Variants in FTCDNL1 observed in about 807,000 individuals in gnomAD.
FTCDNL1 encodes formiminotransferase cyclodeaminase N-terminal like, also known as formiminotransferase N-terminal subdomain-containing protein.
A neutral mutation model predicts 5.9 loss-of-function variants in FTCDNL1; 11 were observed. The ratio of observed to expected loss-of-function variants is 1.87; its 90% CI spans 1.18 to 3.10. The LOEUF (loss-of-function observed/expected upper bound fraction) is 3.10. FTCDNL1 is among the 30% of genes most tolerant of loss of function. The pLI, the probability that FTCDNL1 is intolerant of heterozygous loss-of-function variation, is 0.00. For synonymous variants in FTCDNL1, 58 were observed against 24.8 expected (o/e 2.34, Z -3.99); for missense variants, 115 against 65.5 (o/e 1.76, Z -2.61).
intron 3 of FTCDNL1, among the ~76,000 whole-genome samples, chr2:199,803,462 T>C (rs2106412377): frequency 4.1e-5 from 1 of 24,238 alleles, no homozygotes; most frequent in Non-Finnish European, 1.3e-4. Flanking sequence ...TTTGTTTTGG[T>C]TTGGTTTGGT....
chr2:199,721,476 T>C, the FTCDNL1 span, among the ~76,000 whole-genome samples: 1 of 152,226 alleles, frequency 6.6e-6, no homozygotes, highest in Non-Finnish European at 1.5e-5. Flanking sequence ...CTGAATAGTA[T>C]TCCATGGTAC....
At chr2:199,798,041 A>G (rs577351591) in intron 3 of FTCDNL1, among the ~76,000 whole-genome samples, 2 of 152,202 alleles carry the variant, frequency 1.3e-5, no homozygotes, top group East Asian at 3.9e-4. Flanking sequence ...CTTTATGAGG[A>G]ATTGTGATGT....
At chr2:199,762,062 C>A (rs1008884834) in intron 3 of FTCDNL1, among the ~76,000 whole-genome samples, 5 of 151,950 alleles carry the variant, frequency 3.3e-5, no homozygotes, top group Admixed American at 6.6e-5. Context: ...GAAAAAAAAA[C>A]AATCTTGTAA....
chr2:199,816,218 T>G (rs1408055442), intron 4 of FTCDNL1, among the ~76,000 whole-genome samples: 1 of 152,184 alleles, frequency 6.6e-6, no homozygotes, highest in African/African-American at 2.4e-5. Flanking sequence ...AGCACCTGCT[T>G]TGAGCCTACT....
chr2:199,780,738 T>C (rs538680424), intron 3 of FTCDNL1, among the ~76,000 whole-genome samples: 4 of 152,296 alleles, frequency 2.6e-5, no homozygotes, highest in Non-Finnish European at 4.4e-5. Context: ...ATATCACAAG[T>C]GGGCAGGGGA....
At chr2:199,672,658 C>G in the FTCDNL1 span, among the ~76,000 whole-genome samples, 1 of 152,058 alleles carries the variant, frequency 6.6e-6, no homozygotes, top group Non-Finnish European at 1.5e-5. Context: ...GGTGCTCTGG[C>G]TGGAAAGATT....
the FTCDNL1 span, among the ~76,000 whole-genome samples, chr2:199,697,225 T>C: frequency 6.6e-6 from 1 of 152,016 alleles, no homozygotes; most frequent in African/African-American, 2.4e-5. Flanking sequence ...TGAGCAGAGA[T>C]CACGCCGCTG....
At chr2:199,712,353 CT>C in the FTCDNL1 span, among the ~76,000 whole-genome samples, 1 of 152,132 alleles carries the variant, frequency 6.6e-6, no homozygotes, top group African/African-American at 2.4e-5. Flanking sequence ...TCAACTGGCA[CT>C]TTTAATAATA....
chr2:199,820,191 C>T (rs891328493), intron 3 of FTCDNL1, among the ~76,000 whole-genome samples: 9 of 152,198 alleles, frequency 5.9e-5, no homozygotes, highest in African/African-American at 2.2e-4. Context: ...GGGCAAGGGC[C>T]AGTAACCACA....
chr2:199,769,002 C>T (rs1422142672), intron 3 of FTCDNL1, among the ~76,000 whole-genome samples: 2 of 152,142 alleles, frequency 1.3e-5, no homozygotes, highest in South Asian at 2.1e-4. Flanking sequence ...TAATACGGTG[C>T]TGCAATCAAG....
At chr2:199,674,947 A>C in the FTCDNL1 span, among the ~76,000 whole-genome samples, 1 of 152,218 alleles carries the variant, frequency 6.6e-6, no homozygotes, top group African/African-American at 2.4e-5. Context: ...AAAGCTTTTA[A>C]TTGCATTAAA....
intron 3 of FTCDNL1, among the ~76,000 whole-genome samples, chr2:199,771,035 T>C (rs2106286489): frequency 6.6e-6 from 1 of 152,352 alleles, no homozygotes; most frequent in Admixed American, 6.5e-5. Context: ...GCAAGTTCCT[T>C]GTAATGCTTT....
At chr2:199,823,267 T>C (rs1018232528) in intron 3 of FTCDNL1, among the ~76,000 whole-genome samples, 4 of 152,172 alleles carry the variant, frequency 2.6e-5, no homozygotes. Flanking sequence ...ACTAAAGTCT[T>C]AAAGTCACCC....
the FTCDNL1 span, among the ~76,000 whole-genome samples, chr2:199,688,438 T>C: frequency 6.6e-6 from 1 of 152,114 alleles, no homozygotes; most frequent in Non-Finnish European, 1.5e-5. Context: ...TCTAGGAATC[T>C]GGTGCCCTTT....
chr2:199,804,823 A>C (rs1574563174), downstream of FTCDNL1, among the ~76,000 whole-genome samples: 1 of 152,200 alleles, frequency 6.6e-6, no homozygotes. Flanking sequence ...AACAGAAACC[A>C]CACTAAGCAT....
chr2:199,674,721 C>T, the FTCDNL1 span, among the ~76,000 whole-genome samples: 14 of 152,094 alleles, frequency 9.2e-5, no homozygotes, highest in Admixed American at 9.2e-4. Flanking sequence ...ATAAAAAAAC[C>T]TTTTCTACAA....
chr2:199,712,768 C>T, the FTCDNL1 span, among the ~76,000 whole-genome samples: 1 of 152,218 alleles, frequency 6.6e-6, no homozygotes, highest in East Asian at 1.9e-4. Flanking sequence ...GTCACTCCAA[C>T]CCCTGCCCCT....
chr2:199,756,611 T>C (rs1698081503), downstream of FTCDNL1, among the ~76,000 whole-genome samples: 1 of 152,220 alleles, frequency 6.6e-6, no homozygotes, highest in Admixed American at 6.5e-5. Context: ...AAATCTCCCA[T>C]TTCATGTTCT....
intron 3 of FTCDNL1, among the ~76,000 whole-genome samples, chr2:199,765,554 A>ATTTTTT (rs1394074600): frequency 2.7e-4 from 16 of 60,368 alleles, no homozygotes; most frequent in South Asian, 7.8e-4. Flanking sequence ...ATATATATAT[A>ATTTTTT]TATTTTTTTT....
Sources: gnomAD v4.1 joint callset for allele counts (sites outside exome capture counted in the v4.1 genomes callset) on GRCh38, gnomAD v4.1.1 for gene constraint, MANE v1.5 for transcripts, NCBI Gene and HGNC (gene_info 2026-07-23, HGNC 2026-07-21) for gene names.